Variants in SPATA16 observed in about 807,000 individuals in gnomAD.
The protein encoded by SPATA16 is spermatogenesis-associated protein 16.
SPATA16 carries 36 observed loss-of-function variants against 63.3 expected under a neutral mutation model. The ratio of observed to expected loss-of-function variants is 0.57; its 90% CI spans 0.44 to 0.75. The LOEUF (loss-of-function observed/expected upper bound fraction) is 0.75, where lower values mean the gene tolerates loss of function less well. SPATA16 is among the 30% of genes least tolerant of loss of function. The pLI is 0.00. For missense variants in SPATA16, 646 were observed against 679.3 expected, an observed-to-expected ratio of 0.95 and a Z score of 0.54; for synonymous variants, 203 against 216.7, an observed-to-expected ratio of 0.94 and a Z score of 0.56.
At chr3:173,061,068 G>C (rs2108300564) in intron 2 of SPATA16, among the ~76,000 whole-genome samples, 1 of 152,302 alleles carries the variant, frequency 6.6e-6, no homozygotes, top group South Asian at 2.1e-4. Context: ...GCTAGAATTG[G>C]AAGGGGAAAA....
At chr3:173,128,295 G>T (rs1238061944) in intron 1 of SPATA16, among the ~76,000 whole-genome samples, 1 of 152,140 alleles carries the variant, frequency 6.6e-6, no homozygotes, top group East Asian at 1.9e-4. Context: ...GGATCATATG[G>T]TGCTGACTTT....
At chr3:173,096,043 A>T (rs1281565756) in intron 2 of SPATA16, among the ~76,000 whole-genome samples, 2 of 152,110 alleles carry the variant, frequency 1.3e-5, no homozygotes, top group Non-Finnish European at 2.9e-5. Context: ...AAAAGAAATA[A>T]TGCTTTTATA....
intron 2 of SPATA16, among the ~76,000 whole-genome samples, chr3:173,081,864 C>T (rs1300815622): frequency 6.6e-6 from 1 of 152,162 alleles, no homozygotes; most frequent in Non-Finnish European, 1.5e-5. Flanking sequence ...CAGGATTTAG[C>T]TTCATACAGA....
rs745962859 is a variant in SPATA16, at chr3:172,924,195, C to T, written c.1338+13G>A. On this transcript the variant is annotated intron_variant, in intron 8 of 10. Transcript: ENST00000351008. Reference sequence around the variant, plus strand: ...TTGTACATTGGACAAATATAAAAGACTCATATACCTACATTCAATTGGGTG... The same window carrying T: ...TTGTACATTGGACAAATATAAAAGATTCATATACCTACATTCAATTGGGTG... 15 of 1,575,184 alleles carry T rather than the reference C, an allele frequency of 9.5e-6. No homozygotes were observed. Among genetic ancestry groups the T allele is most frequent in the Non-Finnish European group, 1.2e-5 (14 of 1,145,466 alleles).
intron 2 of SPATA16, among the ~76,000 whole-genome samples, chr3:173,061,035 C>T (rs1736367398): frequency 6.6e-6 from 1 of 152,260 alleles, no homozygotes. Context: ...GCTGTTAGAT[C>T]TTTTACATAT....
chr3:172,908,808 T>C (rs578178955), intron 10 of SPATA16, among the ~76,000 whole-genome samples: 2 of 152,334 alleles, frequency 1.3e-5, no homozygotes, highest in South Asian at 4.1e-4. Context: ...TCTACTGGGC[T>C]CAGAACACAG....
chr3:173,004,781 T>C (rs750619227), intron 4 of SPATA16, among the ~76,000 whole-genome samples: 3 of 152,234 alleles, frequency 2.0e-5, no homozygotes, highest in Non-Finnish European at 2.9e-5. Context: ...AAGTGCTCTA[T>C]ATAAATTGTC....
intron 3 of SPATA16, among the ~76,000 whole-genome samples, chr3:173,028,647 G>A (rs1159099388): frequency 6.6e-6 from 1 of 151,964 alleles, no homozygotes; most frequent in East Asian, 1.9e-4. Flanking sequence ...GCTTGAGTTT[G>A]ATCATATGGA....
At chr3:172,921,132 G>T (rs1415708654) in intron 8 of SPATA16, among the ~76,000 whole-genome samples, 1 of 150,894 alleles carries the variant, frequency 6.6e-6, no homozygotes, top group East Asian at 1.9e-4. Context: ...GAATTTCTGG[G>T]CTCAAGCTGT....
intron 2 of SPATA16, among the ~76,000 whole-genome samples, chr3:173,058,523 C>T (rs1736303948): frequency 6.6e-6 from 1 of 151,998 alleles, no homozygotes; most frequent in South Asian, 2.1e-4. Flanking sequence ...TACACTTTTG[C>T]AACAAGGTAA....
intron 5 of SPATA16, among the ~76,000 whole-genome samples, chr3:172,973,186 T>C (rs1734084398): frequency 6.6e-6 from 1 of 152,212 alleles, no homozygotes; most frequent in Non-Finnish European, 1.5e-5. Context: ...TAATTTTCTG[T>C]AAATGCTGTT....
chr3:172,954,631 C>A (rs1486912126), intron 6 of SPATA16, among the ~76,000 whole-genome samples: 1 of 152,184 alleles, frequency 6.6e-6, no homozygotes, highest in African/African-American at 2.4e-5. Context: ...TAACACCTGA[C>A]CTTTCCTCTT....
chr3:173,093,567 C>A (rs976578947), intron 2 of SPATA16, among the ~76,000 whole-genome samples: 5 of 152,188 alleles, frequency 3.3e-5, no homozygotes, highest in Admixed American at 6.6e-5. Context: ...ATAAAAACTT[C>A]TAAAAGATTA....
rs561973300 is a variant in SPATA16, at chr3:172,893,744, C to T, written c.1588-4052G>A. ...TGTATACCTTGGGAACCAGGCTTCT[C>T]TCTTGCCACTAATGGCCGTGAGAAG... is the stretch of plus-strand genomic sequence containing the variant. On this transcript the variant is annotated intron_variant, in intron 10 of 10. Coordinates refer to ENST00000351008, the MANE Select transcript of SPATA16 (RefSeq NM_031955.6). 3.3e-5 allele frequency among the ~76,000 whole-genome samples: 5 copies of T among 152,326 alleles called. No individual in the cohort carries two copies. In the South Asian group the frequency reaches 8.3e-4, roughly 25 times the overall value.
intron 4 of SPATA16, among the ~76,000 whole-genome samples, chr3:173,007,910 G>T (rs1734979413): frequency 6.6e-6 from 1 of 151,256 alleles, no homozygotes; most frequent in Non-Finnish European, 1.5e-5. Flanking sequence ...CAACATTTAG[G>T]GTAAGAGTTT....
intron 4 of SPATA16, among the ~76,000 whole-genome samples, chr3:172,985,561 C>T (rs1396881475): frequency 6.6e-6 from 1 of 152,066 alleles, no homozygotes; most frequent in Non-Finnish European, 1.5e-5. Flanking sequence ...ATGTTAAGTA[C>T]CTTATGTTAA....
intron 2 of SPATA16, among the ~76,000 whole-genome samples, chr3:173,069,420 C>T (rs1351030216): frequency 1.3e-5 from 2 of 152,014 alleles, no homozygotes; most frequent in East Asian, 1.9e-4. Flanking sequence ...TGCAACATGC[C>T]AAGATTGAAC....
intron 2 of SPATA16, among the ~76,000 whole-genome samples, chr3:173,108,474 C>A (rs6765750): frequency 6.6e-6 from 1 of 151,844 alleles, no homozygotes; most frequent in Non-Finnish European, 1.5e-5. Flanking sequence ...CAATGCTAGT[C>A]GTTCTCAATG....
intron 2 of SPATA16, among the ~76,000 whole-genome samples, chr3:173,065,545 T>A (rs536635460): frequency 9.2e-5 from 14 of 152,092 alleles, no homozygotes; most frequent in Admixed American, 7.8e-4. Flanking sequence ...ACCAAAAAAA[T>A]ATTAGGTGAG....
Sources: allele counts gnomAD v4.1 joint callset (sites outside exome capture counted in the v4.1 genomes callset), GRCh38; gene constraint gnomAD v4.1.1; transcripts MANE v1.5; gene names NCBI Gene and HGNC (gene_info 2026-07-23, HGNC 2026-07-21).